The following DNAH11 variants were observed in gnomAD, a reference collection of about 807,000 sequenced individuals.
DNAH11 encodes the protein dynein axonemal heavy chain 11.
A neutral mutation model predicts 526.0 loss-of-function variants in DNAH11; 442 were observed. The ratio of observed to expected loss-of-function variants is 0.84; its 90% confidence interval spans 0.78 to 0.91. DNAH11 has a LOEUF of 0.91. Among genes scored for constraint, DNAH11 ranks in the 40% least tolerant of loss-of-function variants. DNAH11 has a pLI of 0.00. For synonymous variants in DNAH11, 2,461 were observed against 1,935.9 expected (o/e 1.27, Z -7.12); for missense variants, 6,989 against 5,448.7 (o/e 1.28, Z -8.90).
At chr7:21,845,607 A>G (rs1325349543) in intron 66 of DNAH11, among the ~76,000 whole-genome samples, 2 of 152,282 alleles carry the variant, frequency 1.3e-5, no homozygotes, top group African/African-American at 2.4e-5. Context: ...TTTTATCAAT[A>G]TCACACCGCC....
At position 21,543,640 on chromosome 7, in the gene DNAH11, A is replaced by G. The variant is rs1470372646; in HGVS notation, c.351+44A>G. On this transcript the variant is annotated intron_variant, in intron 1 of 81. Coordinates refer to ENST00000409508, the MANE Select transcript of DNAH11 (RefSeq NM_001277115.2). ...GGGGACCTGCCCATCCAACAAAACT[A>G]CCCAGGGGAGACAGCCCAGTCGCTC... The G allele has an allele frequency of 4.5e-6, 7 of 1,541,876 alleles. No individual in the cohort carries two copies. In the South Asian group the frequency reaches 7.2e-5, roughly 16 times the overall value.
chr7:21,770,643 A>G (rs952105369), intron 55 of DNAH11, among the ~76,000 whole-genome samples: 2 of 152,248 alleles, frequency 1.3e-5, no homozygotes, highest in African/African-American at 2.4e-5. Context: ...ACCAGAGCCC[A>G]TAGTCTTAAA....
At chr7:21,774,962 C>G (rs542349734) in intron 56 of DNAH11, among the ~76,000 whole-genome samples, 1 of 152,224 alleles carries the variant, frequency 6.6e-6, no homozygotes, top group Admixed American at 6.5e-5. Context: ...CAGTGGTTTC[C>G]CCGAGTGGCC....
chr7:21,729,395 T>C (rs973337912), intron 45 of DNAH11, among the ~76,000 whole-genome samples: 1 of 152,226 alleles, frequency 6.6e-6, no homozygotes, highest in Non-Finnish European at 1.5e-5. Context: ...GGCCACACTT[T>C]GGTGTTCTCT....
chr7:21,820,167 C>T (rs1789994640), intron 65 of DNAH11, among the ~76,000 whole-genome samples: 1 of 152,148 alleles, frequency 6.6e-6, no homozygotes. Flanking sequence ...CTTATATATC[C>T]TGTCAGTCAT....
At chr7:21,566,705 A>C (rs116172393) in intron 6 of DNAH11, among the ~76,000 whole-genome samples, 257 of 152,240 alleles carry the variant, frequency 1.7e-3, no homozygotes, top group African/African-American at 6.0e-3. Context: ...CATATTTTAA[A>C]ATAAGTTTTT....
Position 21,619,081 on chromosome 7 carries a change from CT to C in DNAH11, c.4255-12del, listed in dbSNP as rs758841984. The C allele has an allele frequency of 1.4e-5, 23 of 1,612,798 alleles. No individual in the cohort carries two copies. The highest frequency in any genetic ancestry group is 1.1e-4 in the East Asian group (5 of 44,854). On this transcript the variant is annotated intron_variant, in intron 23 of 81. Transcript: ENST00000409508. ...CATATATGTGGAATATAAAGTCTAACTTTTTTTCCCCCAATCAGGTCAAGTT... is the reference window on the plus strand; with the variant it reads ...CATATATGTGGAATATAAAGTCTAACTTTTTTCCCCCAATCAGGTCAAGTT...
chr7:21,585,488 G>C (rs1016456115), intron 9 of DNAH11, among the ~76,000 whole-genome samples: 1 of 152,168 alleles, frequency 6.6e-6, no homozygotes, highest in African/African-American at 2.4e-5. Flanking sequence ...TATTGTCACA[G>C]ACATGGCCAG....
chr7:21,826,395 A>G (rs977356362), intron 65 of DNAH11, among the ~76,000 whole-genome samples: 2 of 152,214 alleles, frequency 1.3e-5, no homozygotes, highest in Non-Finnish European at 2.9e-5. Flanking sequence ...TCTTTTTTCA[A>G]TGCAGTAAAA....
At chr7:21,576,791 A>G (rs890536933) in intron 8 of DNAH11, among the ~76,000 whole-genome samples, 32 of 152,216 alleles carry the variant, frequency 2.1e-4, no homozygotes, top group African/African-American at 7.5e-4. Context: ...ACACTTATGT[A>G]TATATATTAT....
At chr7:21,746,412 T>C (rs573365938) in intron 51 of DNAH11, among the ~76,000 whole-genome samples, 1 of 152,206 alleles carries the variant, frequency 6.6e-6, no homozygotes, top group South Asian at 2.1e-4. Flanking sequence ...GAGACCTGTC[T>C]GGGTGACATA....
intron 28 of DNAH11, among the ~76,000 whole-genome samples, chr7:21,641,863 TC>T (rs1366257638): frequency 3.9e-5 from 6 of 152,152 alleles, no homozygotes; most frequent in Non-Finnish European, 5.9e-5. Flanking sequence ...TCAGTACTAG[TC>T]CCCCTCCTTA....
intron 55 of DNAH11, 43 bp from the exon 56 acceptor site, chr7:21,773,718 TTTTAA>T: frequency 7.9e-7 from 1 of 1,267,312 alleles, no homozygotes; most frequent in Non-Finnish European, 1.0e-6. Flanking sequence ...TAAGTTGTAT[TTTTAA>T]TTTGAGAGGA....
intron 28 of DNAH11, among the ~76,000 whole-genome samples, chr7:21,646,849 G>GA (rs958101258): frequency 3.6e-4 from 55 of 152,110 alleles, no homozygotes; most frequent in Non-Finnish European, 6.0e-4. Context: ...TTTATGCCAG[G>GA]AAAAAAATCT....
intron 63 of DNAH11, among the ~76,000 whole-genome samples, chr7:21,809,269 A>G (rs1400584698): frequency 1.3e-5 from 2 of 152,078 alleles, no homozygotes; most frequent in African/African-American, 4.8e-5. Context: ...TGAGTTCCTT[A>G]TGTATTCTGG....
rs202012891 is a variant in DNAH11 at position 21,707,759 on chromosome 7, T to C, written c.6607T>C (p.Leu2203=). The change falls in exon 40 of 82, where the codon TTA becomes CTA. Residue 2203 remains leucine, a synonymous_variant. Transcript: ENST00000409508. ...GAAACAGAAGCCGGTTTGGAATGAC[T>C]TAAACCCTAAAGCTGTGACAACAGA... The part of the protein sequence containing the change: ...NMKQKPVWND[L]NPKAVTTDEL... 169 of 1,613,324 alleles carry C rather than the reference T, an allele frequency of 1.0e-4. No homozygotes were observed. The highest frequency in any genetic ancestry group is 1.3e-4 in the Non-Finnish European group (148 of 1,179,628).
At chr7:21,749,618 C>A (rs1216185583) in intron 52 of DNAH11, 60 bp from the exon 53 acceptor site, 9 of 1,598,462 alleles carry the variant, frequency 5.6e-6, no homozygotes, top group Non-Finnish European at 7.7e-6. Flanking sequence ...CACTCACACA[C>A]AACCTCTCAA....
intron 73 of DNAH11, among the ~76,000 whole-genome samples, chr7:21,872,434 T>C (rs1020227468): frequency 7.2e-5 from 11 of 152,344 alleles, no homozygotes; most frequent in African/African-American, 2.4e-4. Context: ...TTTTTGTAGC[T>C]GTTATAATCT....
intron 61 of DNAH11, among the ~76,000 whole-genome samples, chr7:21,794,620 T>C (rs941840031): frequency 2.0e-5 from 3 of 152,140 alleles, no homozygotes; most frequent in Admixed American, 1.3e-4. Context: ...GGAGTGTGCC[T>C]TGTACAGTGT....
Sources: gnomAD v4.1 joint callset for allele counts (sites outside exome capture counted in the v4.1 genomes callset) on GRCh38, gnomAD v4.1.1 for gene constraint, MANE v1.5 for transcripts, NCBI Gene and HGNC (gene_info 2026-07-23, HGNC 2026-07-21) for gene names.